Variants in KHDRBS2 observed in about 807,000 individuals in gnomAD.
KHDRBS2 encodes KH RNA binding domain containing, signal transduction associated 2.
In KHDRBS2, 26 loss-of-function variants were observed where a neutral mutation model predicts 44.3. The ratio of observed to expected loss-of-function variants is 0.59; its 90% confidence interval spans 0.43 to 0.81. The LOEUF (loss-of-function observed/expected upper bound fraction) is 0.81, where lower values mean the gene tolerates loss of function less well. Among genes scored for constraint, KHDRBS2 ranks in the 40% least tolerant of loss-of-function variants. The pLI is 0.00. For missense variants in KHDRBS2, 476 were observed against 433.1 expected, an observed-to-expected ratio of 1.10 and a Z score of -0.88; for synonymous variants, 194 against 151.1, an observed-to-expected ratio of 1.28 and a Z score of -2.08.
intron 6 of KHDRBS2, among the ~76,000 whole-genome samples, chr6:61,736,369 C>A (rs1485156423): frequency 6.6e-6 from 1 of 151,808 alleles, no homozygotes; most frequent in Non-Finnish European, 1.5e-5. Context: ...ATAATTGGAG[C>A]TTTCTGGAGC....
chr6:61,967,934 A>G (rs1000113315), intron 4 of KHDRBS2, among the ~76,000 whole-genome samples: 7 of 108,264 alleles, frequency 6.5e-5, no homozygotes, highest in Non-Finnish European at 1.1e-4. Flanking sequence ...ACACACACGT[A>G]TATATATATA....
intron 4 of KHDRBS2, among the ~76,000 whole-genome samples, chr6:61,923,084 C>T (rs1808342138): frequency 6.6e-6 from 1 of 151,884 alleles, no homozygotes; most frequent in Admixed American, 6.6e-5. Flanking sequence ...GACAAACAGT[C>T]TAAATTGAAT....
intron 2 of KHDRBS2, among the ~76,000 whole-genome samples, chr6:62,105,575 G>A (rs61585940): frequency 0.023 from 3,439 of 152,216 alleles, 137 homozygotes; most frequent in African/African-American, 0.079. Flanking sequence ...AGAGGTGTTT[G>A]TAGTATTCTG....
intron 1 of KHDRBS2, among the ~76,000 whole-genome samples, chr6:62,279,122 T>C (rs919022685): frequency 6.6e-6 from 1 of 150,914 alleles, no homozygotes; most frequent in Non-Finnish European, 1.5e-5. Flanking sequence ...TAAATAAAAA[T>C]AAATAAAAAG....
intron 6 of KHDRBS2, among the ~76,000 whole-genome samples, chr6:61,797,485 T>C (rs1205890689): frequency 1.3e-5 from 2 of 152,090 alleles, no homozygotes; most frequent in African/African-American, 2.4e-5. Flanking sequence ...ATCATTTTCA[T>C]CCCAAAAACA....
At chr6:61,764,984 A>T (rs536249090) in intron 6 of KHDRBS2, among the ~76,000 whole-genome samples, 39 of 152,300 alleles carry the variant, frequency 2.6e-4, no homozygotes, top group Admixed American at 1.4e-3. Flanking sequence ...TCAAAAAATT[A>T]GATTACATTT....
At chr6:62,098,244 G>GTTTTTTTTTTTTTTTTTTTTTTTTTTT (rs35184806) in intron 2 of KHDRBS2, among the ~76,000 whole-genome samples, 3 of 127,848 alleles carry the variant, frequency 2.3e-5, no homozygotes, top group Non-Finnish European at 5.0e-5. Flanking sequence ...AGCTTCAAAC[G>GTTTTTTTTTTTTTTTTTTTTTTTTTTT]TTTTTTTTTT....
chr6:61,596,218 T>C, the KHDRBS2 span, among the ~76,000 whole-genome samples: 1 of 152,140 alleles, frequency 6.6e-6, no homozygotes, highest in Admixed American at 6.5e-5. Context: ...CCCTTACAGC[T>C]TCAGCTTATG....
intron 6 of KHDRBS2, among the ~76,000 whole-genome samples, chr6:61,777,851 C>T (rs1322082): frequency 0.64 from 97,407 of 151,900 alleles, 31,931 homozygotes; most frequent in African/African-American, 0.79. Context: ...ATTTGCTTTC[C>T]TTTTTAACTT....
chr6:62,075,545 G>A (rs1008296311), intron 2 of KHDRBS2, among the ~76,000 whole-genome samples: 1 of 151,882 alleles, frequency 6.6e-6, no homozygotes, highest in Non-Finnish European at 1.5e-5. Flanking sequence ...GATGTACACA[G>A]ATTACAATTT....
At chr6:62,188,873 A>T (rs930790532) in intron 1 of KHDRBS2, among the ~76,000 whole-genome samples, 16 of 152,060 alleles carry the variant, frequency 1.1e-4, no homozygotes, top group African/African-American at 3.6e-4. Context: ...TAGCACTTTG[A>T]GAGGCAGAGG....
chr6:61,855,030 G>A (rs1795954980), intron 6 of KHDRBS2, among the ~76,000 whole-genome samples: 1 of 152,070 alleles, frequency 6.6e-6, no homozygotes, highest in Non-Finnish European at 1.5e-5. Context: ...AATGTTCAAA[G>A]TATGTAAGAA....
chr6:61,600,723 C>T, the KHDRBS2 span, among the ~76,000 whole-genome samples: 3,903 of 152,252 alleles, frequency 0.026, 74 homozygotes, highest in Middle Eastern at 0.085. Flanking sequence ...GATCCGTCTA[C>T]GACTTCTGGT....
At chr6:61,694,448 T>C (rs1010026744) in intron 8 of KHDRBS2, among the ~76,000 whole-genome samples, 4 of 152,176 alleles carry the variant, frequency 2.6e-5, no homozygotes, top group African/African-American at 9.6e-5. Flanking sequence ...GTGATACCTA[T>C]ATGCAAATTT....
At chr6:61,706,181 C>G (rs1769514342) in intron 7 of KHDRBS2, among the ~76,000 whole-genome samples, 1 of 151,840 alleles carries the variant, frequency 6.6e-6, no homozygotes, top group Non-Finnish European at 1.5e-5. Context: ...TCCCTGTGTA[C>G]TCTCCCTTTC....
intron 8 of KHDRBS2, among the ~76,000 whole-genome samples, chr6:61,693,025 A>G (rs983495669): frequency 6.6e-6 from 1 of 152,168 alleles, no homozygotes; most frequent in African/African-American, 2.4e-5. Flanking sequence ...TTACTGATTC[A>G]GCATGAAAGT....
chr6:61,945,098 A>T (rs1399199609), intron 4 of KHDRBS2, among the ~76,000 whole-genome samples: 22 of 45,788 alleles, frequency 4.8e-4, no homozygotes, highest in Non-Finnish European at 6.2e-4. Flanking sequence ...CTTAAAAAAA[A>T]AAAAAAAAAA....
chr6:62,089,714 T>A (rs781670137), intron 2 of KHDRBS2, among the ~76,000 whole-genome samples: 2 of 152,190 alleles, frequency 1.3e-5, no homozygotes, highest in Non-Finnish European at 1.5e-5. Flanking sequence ...GTCTTTAAAC[T>A]GATAGTAAGT....
intron 3 of KHDRBS2, 90 bp from the exon 4 acceptor site, chr6:61,978,302 A>C (rs1416167348): frequency 9.7e-7 from 1 of 1,026,368 alleles, no homozygotes; most frequent in Non-Finnish European, 1.4e-6. Flanking sequence ...TGTATAATTT[A>C]AGCAAATTTT....
Sources: gnomAD v4.1 joint callset for allele counts (sites outside exome capture counted in the v4.1 genomes callset) on GRCh38, gnomAD v4.1.1 for gene constraint, MANE v1.5 for transcripts, NCBI Gene and HGNC (gene_info 2026-07-23, HGNC 2026-07-21) for gene names.